The following ZNF292 variants were observed in gnomAD, a reference collection of about 807,000 sequenced individuals.
ZNF292 encodes the protein 16 zinc-finger domain protein.
A neutral mutation model predicts 217.9 loss-of-function variants in ZNF292; 26 were observed. The observed-to-expected ratio is 0.12, with a 90% CI of 0.09 to 0.17. ZNF292 has a LOEUF of 0.17. ZNF292 is among the 10% of genes least tolerant of loss of function. The pLI is 1.00. For missense variants in ZNF292, 2,904 were observed against 3,175.2 expected (o/e 0.91, Z 2.05); for synonymous variants, 1,257 against 1,124.1 (o/e 1.12, Z -2.37).
rs182467452 is a variant in ZNF292 at position 87,207,899 on chromosome 6, T to G, written c.169-8004T>G. ...TTGGAATCTTACTTGCATTCATCTC[T>G]CTCATGTTAGAGCTCCCTTTTTTCT... On this transcript the variant is annotated intron_variant, in intron 1 of 7. Transcript: ENST00000369577. Among the ~76,000 whole-genome samples, 392 of 152,308 alleles carry G rather than the reference T, an allele frequency of 2.6e-3. 2 individuals are homozygous for G. The highest frequency in any genetic ancestry group is 9.0e-3 in the African/African-American group (376 of 41,572).
Position 87,166,541 on chromosome 6 carries a change from C to T in ZNF292, c.168+10782C>T, listed in dbSNP as rs111560357. On this transcript the variant is annotated intron_variant, in intron 1 of 7. Transcript: ENST00000369577. ...ATAAACAAGTAGTTTTTGAATCATT[C>T]TCAACTCTACCTGTACCTTAAAGCC... Among the ~76,000 whole-genome samples, 556 of 152,310 alleles carry T rather than the reference C, an allele frequency of 3.7e-3. 2 individuals carry two copies. The highest frequency in any genetic ancestry group is 0.013 in the African/African-American group (535 of 41,558).
rs1354519480 is a variant in ZNF292 at position 87,256,187 on chromosome 6, A to T, written c.2558A>T (p.Gln853Leu). ...CTTAATTCATCTGGAGATTCCATTC[A>T]GCCTTCTGAAGTGAATCAGAACACA... ...AQLNSSGDSI[Q>L]PSEVNQNTAE... is the part of the protein sequence containing the mutation. Residue 853 changes from glutamine to leucine, a missense_variant, in exon 8 of 8, where the codon CAG becomes CTG. By Grantham distance (113) the Gln-to-Leu change is moderately radical. Coordinates refer to ENST00000369577, the MANE Select transcript of ZNF292 (RefSeq NM_015021.3). 2 of 1,613,868 alleles carry T rather than the reference A, an allele frequency of 1.2e-6. No individual in the cohort carries two copies. Among genetic ancestry groups the T allele is most frequent in the Admixed American group, 1.7e-5 (1 of 59,970 alleles).
At position 87,245,656 on chromosome 6, in the gene ZNF292, CAG is replaced by C. The variant is rs746198836; in HGVS notation, c.1020+14_1020+15del. ...TTATTAATTCAGAGGTAAGAATAATCAGAATATTTTTAAGGTTAAAATGTGTA... is the reference window on the plus strand; with the variant it reads ...TTATTAATTCAGAGGTAAGAATAATCAATATTTTTAAGGTTAAAATGTGTA... On this transcript the variant is annotated intron_variant, in intron 7 of 7. Transcript: ENST00000369577. The C allele has an allele frequency of 2.1e-6, 3 of 1,414,702 alleles. No homozygotes were observed. In the East Asian group the frequency reaches 7.1e-5, roughly 33 times the overall value. The allele number at this position is 1,414,702 out of a possible 1,614,324, so 87.6% of individuals were successfully genotyped here.
At chr6:87,169,486 A>G (rs1192324727) in intron 1 of ZNF292, among the ~76,000 whole-genome samples, 4 of 152,164 alleles carry the variant, frequency 2.6e-5, no homozygotes, top group Non-Finnish European at 4.4e-5. Context: ...GAAAGCTATT[A>G]TATCAGCTAT....
At chr6:87,163,868 A>C (rs1770830180) in intron 1 of ZNF292, among the ~76,000 whole-genome samples, 1 of 152,198 alleles carries the variant, frequency 6.6e-6, no homozygotes, top group African/African-American at 2.4e-5. Flanking sequence ...GATAGGATTG[A>C]AAGGATAGAT....
intron 4 of ZNF292, among the ~76,000 whole-genome samples, chr6:87,230,991 G>A (rs1231187710): frequency 3.3e-5 from 5 of 152,126 alleles, no homozygotes; most frequent in African/African-American, 4.8e-5. Flanking sequence ...AAGCAGACTA[G>A]GGAGTGAAAT....
chr6:87,185,506 G>T lies in ZNF292; in HGVS notation c.168+29747G>T, dbSNP rs138861088. ...TGAAGCATACTTTCTTTGAGAGGAG[G>T]TCTTGCCCTGTAACCCAGGCTGGAG... On this transcript the variant is annotated intron_variant, in intron 1 of 7. Coordinates refer to ENST00000369577, the MANE Select transcript of ZNF292 (RefSeq NM_015021.3). Among the ~76,000 whole-genome samples the T allele has an allele frequency of 2.1e-4, 32 of 152,276 alleles. No homozygotes were observed. In the East Asian group the frequency reaches 4.8e-3, roughly 23 times the overall value.
chr6:87,168,452 G>A (rs1042146581), intron 1 of ZNF292, among the ~76,000 whole-genome samples: 3 of 152,162 alleles, frequency 2.0e-5, no homozygotes, highest in Non-Finnish European at 2.9e-5. Flanking sequence ...TGATATATAG[G>A]AGGTGATGTT....
At chr6:87,203,799 A>G (rs773511018) in intron 1 of ZNF292, among the ~76,000 whole-genome samples, 6 of 152,030 alleles carry the variant, frequency 3.9e-5, no homozygotes, top group African/African-American at 4.8e-5. Context: ...GCTACCTGGT[A>G]TGGGGAGTCA....
intron 1 of ZNF292, among the ~76,000 whole-genome samples, chr6:87,177,709 A>G (rs900755123): frequency 2.0e-5 from 3 of 152,228 alleles, no homozygotes; most frequent in Admixed American, 6.5e-5. Context: ...CAACTTCACC[A>G]TCTACTAGTT....
chr6:87,210,127 CTCTTTCT>C lies in ZNF292; in HGVS notation c.169-5775_169-5769del, dbSNP rs562458089. Among the ~76,000 whole-genome samples the C allele has an allele frequency of 5.9e-5, 9 of 152,040 alleles. No homozygotes were observed. In the South Asian group the frequency reaches 1.9e-3, roughly 32 times the overall value. ...GGAAGCTATCAGAAGTTAATCTATA[CTCTTTCT>C]CCCTAAAGCATGTATGTTCTAGACT... On this transcript the variant is annotated intron_variant, in intron 1 of 7. Coordinates refer to ENST00000369577, the MANE Select transcript of ZNF292 (RefSeq NM_015021.3).
intron 5 of ZNF292, among the ~76,000 whole-genome samples, chr6:87,234,215 G>A (rs185425299): frequency 6.6e-6 from 1 of 152,260 alleles, no homozygotes; most frequent in Non-Finnish European, 1.5e-5. Context: ...AGAATTAGAA[G>A]TTGTTGATCA....
rs1457656365 is a variant in ZNF292, at chr6:87,262,567, A to G, written c.*766A>G. On this transcript the variant is annotated 3_prime_UTR_variant, in exon 8 of 8. Coordinates refer to ENST00000369577, the MANE Select transcript of ZNF292 (RefSeq NM_015021.3). Reference sequence around the variant, plus strand: ...AGTTACTATGAGTCCATGAAATACAATGGAAATGTGAATAAAGAATTTACT... The same window carrying G: ...AGTTACTATGAGTCCATGAAATACAGTGGAAATGTGAATAAAGAATTTACT... 2 of 151,918 alleles carry G rather than the reference A, an allele frequency of 1.3e-5. No individual in the cohort carries two copies. Among genetic ancestry groups the G allele is most frequent in the African/African-American group, 4.8e-5 (2 of 41,412 alleles). The allele number at this position is 151,918 out of a possible 1,614,324, so 9.4% of individuals were successfully genotyped here.
At chr6:87,194,074 G>C (rs1771892821) in intron 1 of ZNF292, among the ~76,000 whole-genome samples, 1 of 152,130 alleles carries the variant, frequency 6.6e-6, no homozygotes, top group South Asian at 2.1e-4. Flanking sequence ...GATAACTAGG[G>C]AGAATTGGAG....
rs764353115 is a variant in ZNF292, at chr6:87,160,483, GTATA to G, written c.168+4730_168+4733del. ...TGTGTATACATACGTACATGTGTTT[GTATA>G]TATATGTGTGTGTGTGTGTGTGTGT... On this transcript the variant is annotated intron_variant, in intron 1 of 7. Coordinates refer to ENST00000369577, the MANE Select transcript of ZNF292 (RefSeq NM_015021.3). 8.2e-3 allele frequency among the ~76,000 whole-genome samples: 1,191 copies of G among 145,536 alleles called. 4 individuals carry two copies. Among genetic ancestry groups the G allele is most frequent in the Middle Eastern group, 0.031 (9 of 286 alleles).
chr6:87,215,032 A>G (rs777599705), intron 1 of ZNF292: 3 of 152,090 alleles, frequency 2.0e-5, no homozygotes, highest in Non-Finnish European at 4.4e-5. Context: ...GTTTGATTAA[A>G]TGAGTCTTAA....
At position 87,258,832 on chromosome 6, in the gene ZNF292, T is replaced by G; in HGVS notation, c.5203T>G (p.Ser1735Ala). The G allele has an allele frequency of 6.2e-7, 1 of 1,612,418 alleles. No homozygotes were observed. Among genetic ancestry groups the G allele is most frequent in the Non-Finnish European group, 8.5e-7 (1 of 1,179,148 alleles). The change falls in exon 8 of 8, where the codon TCA (serine) becomes GCA (alanine). Residue 1735 changes from serine to alanine, a missense_variant. Ser to Ala is a moderately conservative substitution (Grantham distance 99). This residue lies in a region of ZNF292 where 622 missense variants were observed against 573.1 expected (regional missense o/e 1.09). Transcript: ENST00000369577. ...NGDSQMMALN[S>A]CTTSINSDLQ... ...TGATTCCCAAATGATGGCTTTGAAT[T>G]CATGCACAACTTCAATAAATTCTGA...
chr6:87,213,259 G>A (rs2127799639), intron 1 of ZNF292, among the ~76,000 whole-genome samples: 1 of 152,338 alleles, frequency 6.6e-6, no homozygotes, highest in South Asian at 2.1e-4. Context: ...AACTCAGGGA[G>A]GGGACTGTTA....
In ZNF292 at chr6:87,224,287, G is replaced by A. The variant is rs116070905; in HGVS notation, c.538+5556G>A. 3.6e-3 allele frequency among the ~76,000 whole-genome samples: 550 copies of A among 151,876 alleles called. 2 individuals carry two copies. The highest frequency in any genetic ancestry group is 0.013 in the African/African-American group (529 of 41,416). ...TAATATAGTTATTTTGTTGTATTCT[G>A]TATTCCATCTTGGGCTTCCTGAACC... is the stretch of plus-strand genomic sequence containing the variant. On this transcript the variant is annotated intron_variant, in intron 4 of 7. Transcript: ENST00000369577.
Sources: gnomAD v4.1 joint callset for allele counts (sites outside exome capture counted in the v4.1 genomes callset) on GRCh38, gnomAD v4.1.1 for gene constraint, gnomAD v4.1.1 regional missense constraint, MANE v1.5 for transcripts, NCBI Gene and HGNC (gene_info 2026-07-23, HGNC 2026-07-21) for gene names.